SLC1A1: variants seen among roughly 807,000 people sequenced by gnomAD.
The protein encoded by SLC1A1 is solute carrier family 1 member 1.
SLC1A1 carries 43 observed loss-of-function variants against 53.3 expected under a neutral mutation model. That is an observed-to-expected ratio of 0.81 (90% confidence interval 0.63 to 1.04). SLC1A1 has a LOEUF of 1.04. SLC1A1 is among the 50% of genes least tolerant of loss of function. The pLI is 0.00. For missense variants in SLC1A1, 748 were observed against 664.9 expected (o/e 1.12, Z -1.37); for synonymous variants, 307 against 243.2 (o/e 1.26, Z -2.44).
chr9:4,566,174 A>T (rs1302394635), intron 5 of SLC1A1, 85 bp downstream of exon 5: 1 of 1,199,034 alleles, frequency 8.3e-7, no homozygotes, highest in Non-Finnish European at 1.2e-6. Context: ...GACTCAAGAA[A>T]TGGAATTAGC....
At chr9:4,563,009 C>T (rs1454333232) in intron 3 of SLC1A1, among the ~76,000 whole-genome samples, 2 of 150,924 alleles carry the variant, frequency 1.3e-5, no homozygotes, top group Admixed American at 1.3e-4. Flanking sequence ...GGGAGATATA[C>T]CTAATGCTAG....
At chr9:4,535,661 C>T (rs975167564) in intron 1 of SLC1A1, among the ~76,000 whole-genome samples, 5 of 152,126 alleles carry the variant, frequency 3.3e-5, no homozygotes, top group African/African-American at 1.2e-4. Flanking sequence ...TCAATGCCAT[C>T]CCCATCAAGC....
intron 1 of SLC1A1, among the ~76,000 whole-genome samples, chr9:4,500,046 A>C (rs1361953582): frequency 6.6e-6 from 1 of 152,178 alleles, no homozygotes; most frequent in Non-Finnish European, 1.5e-5. Flanking sequence ...CTTGTGAGAA[A>C]TTGTGATTAC....
chr9:4,510,894 C>G (rs760035624), intron 1 of SLC1A1, among the ~76,000 whole-genome samples: 3 of 152,310 alleles, frequency 2.0e-5, no homozygotes, highest in Non-Finnish European at 4.4e-5. Context: ...GGCTTCAGCT[C>G]CACCGTAAAC....
chr9:4,568,254 T>C (rs998863424), intron 6 of SLC1A1, among the ~76,000 whole-genome samples: 2 of 151,810 alleles, frequency 1.3e-5, no homozygotes, highest in Non-Finnish European at 2.9e-5. Context: ...ACCTCACCTC[T>C]ACAAAAAATG....
Position 4,550,365 on chromosome 9 carries a change from T to C in SLC1A1, c.232+5658T>C, listed in dbSNP as rs547686659. Among the ~76,000 whole-genome samples, 4 of 152,314 alleles carry C rather than the reference T, an allele frequency of 2.6e-5. No homozygotes were observed. In the South Asian group the frequency reaches 8.3e-4, roughly 32 times the overall value. ...AATTTTTAGGGCTTGACCTCAACCA[T>C]AGGATCAGAGGTTTTCTACTACTTT... On this transcript the variant is annotated intron_variant, in intron 2 of 11. Transcript: ENST00000262352.
Position 4,499,062 on chromosome 9 carries a change from T to G in SLC1A1, c.91+8292T>G, listed in dbSNP as rs1015585145. ...TGTATATATATATCTTTTTTTTTTTTGAGAACAAGTCTCACTCTGTCACCT... is the reference window on the plus strand; with the variant it reads ...TGTATATATATATCTTTTTTTTTTTGGAGAACAAGTCTCACTCTGTCACCT... On this transcript the variant is annotated intron_variant, in intron 1 of 11. Coordinates refer to ENST00000262352, the MANE Select transcript of SLC1A1 (RefSeq NM_004170.6). 2.5e-4 allele frequency among the ~76,000 whole-genome samples: 37 copies of G among 146,440 alleles called. 1 individual carries two copies. The highest frequency in any genetic ancestry group is 7.0e-4 in the African/African-American group (28 of 39,824).
chr9:4,544,943 T>TA (rs1278895961), intron 2 of SLC1A1, among the ~76,000 whole-genome samples: 1 of 152,148 alleles, frequency 6.6e-6, no homozygotes, highest in Admixed American at 6.5e-5. Context: ...GAGCCCGTTA[T>TA]AAAACCATAA....
At chr9:4,564,055 A>T (rs772769922) in intron 3 of SLC1A1, among the ~76,000 whole-genome samples, 21 of 152,060 alleles carry the variant, frequency 1.4e-4, no homozygotes, top group Non-Finnish European at 2.8e-4. Flanking sequence ...TGTTTCCAGA[A>T]GCAATTCTGG....
chr9:4,528,794 T>C (rs1170134015), intron 1 of SLC1A1, among the ~76,000 whole-genome samples: 1 of 150,184 alleles, frequency 6.7e-6, no homozygotes, highest in Non-Finnish European at 1.5e-5. Flanking sequence ...ACTCTTACCT[T>C]TCTTTGTGAC....
At chr9:4,573,634 C>T (rs1442881198) in intron 7 of SLC1A1, among the ~76,000 whole-genome samples, 1 of 152,128 alleles carries the variant, frequency 6.6e-6, no homozygotes, top group African/African-American at 2.4e-5. Flanking sequence ...ATGAGGTGCG[C>T]ACCCATCTAA....
intron 1 of SLC1A1, among the ~76,000 whole-genome samples, chr9:4,510,966 G>A (rs1820980423): frequency 6.6e-6 from 1 of 152,232 alleles, no homozygotes; most frequent in Non-Finnish European, 1.5e-5. Flanking sequence ...CCCTTAGCAA[G>A]AGCAACAGAC....
rs373604899 is a variant in SLC1A1 at position 4,583,853 on chromosome 9, T to TTCTCTCTCTCTCTCTCTC, written c.1328+694_1328+711dup. Among the ~76,000 whole-genome samples, 108 of 136,986 alleles carry TTCTCTCTCTCTCTCTCTC rather than the reference T, an allele frequency of 7.9e-4. No individual in the cohort carries two copies. Among genetic ancestry groups the TTCTCTCTCTCTCTCTCTC allele is most frequent in the Admixed American group, 3.9e-3 (52 of 13,264 alleles). 89.9% of individuals were successfully genotyped at this position (136,986 alleles called of 152,430 possible). On this transcript the variant is annotated intron_variant, in intron 11 of 11. Transcript: ENST00000262352. This position sits in a 1 kb window ranked among gnomAD's most constrained non-coding sequence, Gnocchi z 4.6. Reference sequence around the variant, plus strand: ...CCATTCAGGCCCCAATCAACAACACTTCTCTCTCTCTCTCTCTCTCTCTCT... The same window carrying TTCTCTCTCTCTCTCTCTC: ...CCATTCAGGCCCCAATCAACAACACTTCTCTCTCTCTCTCTCTCTCTCTCTCTCTCTCTCTCTCTCTCT...
chr9:4,571,119 A>G (rs148542208), intron 6 of SLC1A1, among the ~76,000 whole-genome samples: 1 of 152,174 alleles, frequency 6.6e-6, no homozygotes, highest in Non-Finnish European at 1.5e-5. Flanking sequence ...TCCTTAGCCA[A>G]CTAACACAGG....
At chr9:4,560,067 C>A (rs2129655900) in intron 2 of SLC1A1, 1 of 152,300 alleles carries the variant, frequency 6.6e-6, no homozygotes, top group East Asian at 1.9e-4. Flanking sequence ...GAAGTGAGAT[C>A]TAACAATATG....
intron 10 of SLC1A1, among the ~76,000 whole-genome samples, chr9:4,580,701 A>G (rs1167017885): frequency 6.7e-6 from 1 of 148,910 alleles, no homozygotes; most frequent in Non-Finnish European, 1.5e-5. Context: ...GCCTAGAAAG[A>G]GCTGAGAGAA....
chr9:4,513,234 C>T (rs182222675), intron 1 of SLC1A1, among the ~76,000 whole-genome samples: 1 of 152,094 alleles, frequency 6.6e-6, no homozygotes, highest in East Asian at 1.9e-4. Context: ...CTCTTTCTCT[C>T]CAAAAGGCAC....
At chr9:4,505,781 C>T (rs574975579) in intron 1 of SLC1A1, among the ~76,000 whole-genome samples, 3 of 152,226 alleles carry the variant, frequency 2.0e-5, no homozygotes, top group East Asian at 1.9e-4. Context: ...CTCAGCCTCC[C>T]GAGTAGCTGG....
intron 1 of SLC1A1, among the ~76,000 whole-genome samples, chr9:4,498,520 A>C (rs950110127): frequency 7.0e-6 from 1 of 143,762 alleles, no homozygotes; most frequent in Non-Finnish European, 1.6e-5. Flanking sequence ...CACAACAATA[A>C]TCAGTTTGAC....
Sources: gnomAD v4.1 joint callset for allele counts (sites outside exome capture counted in the v4.1 genomes callset) on GRCh38, gnomAD v4.1.1 for gene constraint, Gnocchi (gnomAD v3.1) non-coding constraint, MANE v1.5 for transcripts, NCBI Gene and HGNC (gene_info 2026-07-23, HGNC 2026-07-21) for gene names.